Variants in SIPA1L3 observed in about 807,000 individuals in gnomAD.
SIPA1L3 encodes the protein signal-induced proliferation-associated 1-like protein 3.
A neutral mutation model predicts 150.1 loss-of-function variants in SIPA1L3; 59 were observed. The observed-to-expected ratio is 0.39, with a 90% CI of 0.32 to 0.49. SIPA1L3 has a LOEUF of 0.49. Ranked by LOEUF, SIPA1L3 falls within the 20% of genes least tolerant of loss-of-function variation. The pLI, the probability that SIPA1L3 is intolerant of heterozygous loss-of-function variation, is 0.86. For missense variants in SIPA1L3, 2,211 were observed against 2,489.5 expected (o/e 0.89, Z 2.38); for synonymous variants, 1,070 against 1,077.6 (o/e 0.99, Z 0.14).
At position 38,012,174 on chromosome 19, in the gene SIPA1L3, C is replaced by T. The variant is rs184978022; in HGVS notation, c.-378-16915C>T. 5.2e-3 allele frequency among the ~76,000 whole-genome samples: 785 copies of T among 151,784 alleles called. 7 individuals are homozygous for T. Among genetic ancestry groups the T allele is most frequent in the Non-Finnish European group, 7.2e-3 (489 of 67,914 alleles). ...TGATCTCGGCTTGCTGCAGCCTCGA[C>T]CTTCCCGGCTCCTGGCTCAAGCACC... On this transcript the variant is annotated intron_variant, in intron 1 of 21. Coordinates refer to ENST00000222345, the MANE Select transcript of SIPA1L3 (RefSeq NM_015073.3).
intron 10 of SIPA1L3, among the ~76,000 whole-genome samples, chr19:38,137,938 C>G (rs1353770946): frequency 1.3e-5 from 2 of 152,062 alleles, no homozygotes; most frequent in Admixed American, 6.6e-5. Context: ...TGAGACCAGC[C>G]TGGCCAACAT....
Position 38,130,597 on chromosome 19 carries a change from G to A in SIPA1L3, c.2968G>A (p.Val990Ile). Residue 990 changes from valine (V) to isoleucine (I), a missense_variant, in exon 10 of 22, where the codon GTT becomes ATT. By Grantham distance (29) the Val-to-Ile change is conservative. Around this residue, in one of 5 missense-constraint regions of SIPA1L3, gnomAD observed 625 missense variants for 804.2 expected, o/e 0.78. Transcript: ENST00000222345. ...GAAGTACGACGGCACGGTGGCCGAG[G>A]TTGAGGACTATGGGTTCGCCTGGCA... The part of the protein sequence containing the change: ...HVKYDGTVAE[V>I]EDYGFAWQAG... 6.2e-7 allele frequency: 1 copy of A among 1,613,820 alleles called. No individual in the cohort carries two copies.
chr19:38,066,710 C>T (rs914623507), intron 2 of SIPA1L3, among the ~76,000 whole-genome samples: 9 of 151,954 alleles, frequency 5.9e-5, no homozygotes, highest in Non-Finnish European at 1.0e-4. Flanking sequence ...GCCTGTGATC[C>T]CAGCTACTCA....
intron 1 of SIPA1L3, among the ~76,000 whole-genome samples, chr19:37,946,165 A>AAAT (rs941421875): frequency 1.3e-5 from 2 of 151,794 alleles, no homozygotes; most frequent in Non-Finnish European, 2.9e-5. Context: ...CAAAAAAAAA[A>AAAT]AATAATAATA....
At chr19:38,061,393 T>C (rs1969443381) in intron 2 of SIPA1L3, among the ~76,000 whole-genome samples, 1 of 151,984 alleles carries the variant, frequency 6.6e-6, no homozygotes, top group Admixed American at 6.6e-5. Context: ...TTTTCTATAA[T>C]AATCTTGGCC....
At chr19:38,059,052 G>A (rs1289103049) in intron 2 of SIPA1L3, among the ~76,000 whole-genome samples, 2 of 147,752 alleles carry the variant, frequency 1.4e-5, no homozygotes, top group Non-Finnish European at 3.0e-5. Context: ...AAAAGACAAA[G>A]TCTTGCCCTG....
rs375098745 is a variant in SIPA1L3, at chr19:38,176,994, AAAAC to A, written c.4209-5509_4209-5506del. Among the ~76,000 whole-genome samples, 200 of 151,786 alleles carry A rather than the reference AAAAC, an allele frequency of 1.3e-3. 1 individual carries two copies. The highest frequency in any genetic ancestry group is 3.5e-3 in the East Asian group (18 of 5,132). Reference sequence around the variant, plus strand: ...CTCAAAAAAACAAACAAACAACAAAAAAACAAACAAACAAACAAAAAACATGCCA... The same window carrying A: ...CTCAAAAAAACAAACAAACAACAAAAAAACAAACAAACAAAAAACATGCCA... On this transcript the variant is annotated intron_variant, in intron 15 of 21. Coordinates refer to ENST00000222345, the MANE Select transcript of SIPA1L3 (RefSeq NM_015073.3).
intron 1 of SIPA1L3, among the ~76,000 whole-genome samples, chr19:38,006,567 G>A (rs750814805): frequency 1.2e-4 from 19 of 152,174 alleles, no homozygotes; most frequent in Admixed American, 1.1e-3. Flanking sequence ...GACTCTGGGC[G>A]TAATAAGAGA....
chr19:38,085,974 C>A (rs1021964640), intron 3 of SIPA1L3, among the ~76,000 whole-genome samples: 2 of 151,754 alleles, frequency 1.3e-5, no homozygotes, highest in Non-Finnish European at 2.9e-5. Context: ...CCAGCCTGGG[C>A]GACAGAGTGA....
intron 3 of SIPA1L3, among the ~76,000 whole-genome samples, chr19:38,083,348 C>T (rs1207466203): frequency 1.3e-5 from 2 of 152,216 alleles, no homozygotes; most frequent in African/African-American, 4.8e-5. Context: ...TTACTCAGCA[C>T]ATATGGACTT....
chr19:37,947,207 C>T (rs924741449), intron 1 of SIPA1L3, among the ~76,000 whole-genome samples: 19 of 144,202 alleles, frequency 1.3e-4, no homozygotes, highest in African/African-American at 2.9e-4. Context: ...AAAACAAATC[C>T]GTCCAGGCAT....
intron 3 of SIPA1L3, among the ~76,000 whole-genome samples, chr19:38,085,541 C>T (rs1426038515): frequency 2.0e-5 from 3 of 150,620 alleles, no homozygotes; most frequent in Non-Finnish European, 4.4e-5. Context: ...GCCAATGAGG[C>T]AATGTCAGTA....
intron 12 of SIPA1L3, 60 bp from the exon 13 acceptor site, chr19:38,152,780 A>G: frequency 6.5e-7 from 1 of 1,540,682 alleles, no homozygotes; most frequent in Non-Finnish European, 8.8e-7. Flanking sequence ...GCTCAGGCTC[A>G]GGTGGTTTTC....
chr19:38,194,688 T>G (rs1277116844), intron 18 of SIPA1L3, among the ~76,000 whole-genome samples: 1 of 152,202 alleles, frequency 6.6e-6, no homozygotes, highest in Non-Finnish European at 1.5e-5. Flanking sequence ...GAGCCTCTTG[T>G]GAGCTGTGGG....
At chr19:38,007,202 C>G (rs1773435638) in intron 1 of SIPA1L3, among the ~76,000 whole-genome samples, 1 of 152,178 alleles carries the variant, frequency 6.6e-6, no homozygotes, top group Admixed American at 6.5e-5. Flanking sequence ...CCTGTAATCT[C>G]AGCACTTTGG....
Position 38,164,961 on chromosome 19 carries a change from C to T in SIPA1L3, c.4208+55C>T. ...ACCACCTTCCACTTCGCCAGTTCTA[C>T]TTTTACGGTCCTGATGGTGGGGTTC... On this transcript the variant is annotated intron_variant, in intron 15 of 21. Transcript: ENST00000222345. The surrounding 1 kb of genome is among the most constrained non-coding windows in gnomAD (Gnocchi z 4.1). 3 of 1,446,764 alleles carry T rather than the reference C, an allele frequency of 2.1e-6. No individual in the cohort carries two copies. Among genetic ancestry groups the T allele is most frequent in the Non-Finnish European group, 2.8e-6 (3 of 1,090,674 alleles). The allele number at this position is 1,446,764 out of a possible 1,614,324, so 89.6% of individuals were successfully genotyped here. A position where few individuals can be genotyped will look rare whatever the true frequency, so the allele number is the denominator to read the frequency against.
At chr19:38,193,328 G>A (rs1406169629) in intron 17 of SIPA1L3, among the ~76,000 whole-genome samples, 3 of 139,830 alleles carry the variant, frequency 2.1e-5, no homozygotes, top group Non-Finnish European at 4.6e-5. Flanking sequence ...CAGATTGGGC[G>A]ACAGAGTGAG....
chr19:38,088,496 G>T (rs933777367), intron 3 of SIPA1L3, among the ~76,000 whole-genome samples: 1 of 152,214 alleles, frequency 6.6e-6, no homozygotes, highest in African/African-American at 2.4e-5. Flanking sequence ...GAGCGCTGAG[G>T]CTCAGAAAAG....
intron 3 of SIPA1L3, among the ~76,000 whole-genome samples, chr19:38,083,362 G>C (rs982817918): frequency 3.3e-5 from 5 of 152,200 alleles, no homozygotes; most frequent in African/African-American, 1.2e-4. Context: ...TGGACTTGGG[G>C]ACAGCTCAGT....
Sources: gnomAD v4.1 joint callset for allele counts (sites outside exome capture counted in the v4.1 genomes callset) on GRCh38, gnomAD v4.1.1 for gene constraint, gnomAD v4.1.1 regional missense constraint, Gnocchi (gnomAD v3.1) non-coding constraint, MANE v1.5 for transcripts, NCBI Gene and HGNC (gene_info 2026-07-23, HGNC 2026-07-21) for gene names.